SPEF2: variants seen among roughly 807,000 people sequenced by gnomAD.
The protein encoded by SPEF2 is sperm flagellar and cilia associated 2, also known as sperm flagella and cilia-associated protein 2.
Under a neutral mutation model 224.6 loss-of-function variants are expected in SPEF2, and 187 were observed. The ratio of observed to expected loss-of-function variants is 0.83; its 90% confidence interval spans 0.74 to 0.94. SPEF2 has a LOEUF of 0.94. Ranked by LOEUF, SPEF2 falls within the 40% of genes least tolerant of loss-of-function variation. SPEF2 has a pLI of 0.00. For missense variants in SPEF2, 2,170 were observed against 2,135.6 expected (o/e 1.02, Z -0.32); for synonymous variants, 715 against 707.3 (o/e 1.01, Z -0.17).
intron 24 of SPEF2, among the ~76,000 whole-genome samples, chr5:35,757,996 A>G (rs1332465419): frequency 6.6e-6 from 1 of 152,212 alleles, no homozygotes; most frequent in Non-Finnish European, 1.5e-5. Context: ...CCTTTTCTAT[A>G]TCAAATACAG....
intron 13 of SPEF2, 131 bp downstream of exon 13, chr5:35,694,494 A>C (rs1359930863): frequency 2.8e-6 from 2 of 707,746 alleles, no homozygotes; most frequent in Non-Finnish European, 4.7e-6. Context: ...AGTTGTCTAC[A>C]TATGGCCATT....
At chr5:35,713,853 T>A (rs1741806180) in intron 20 of SPEF2, among the ~76,000 whole-genome samples, 1 of 115,276 alleles carries the variant, frequency 8.7e-6, no homozygotes. Flanking sequence ...ATATAGTATA[T>A]ATATTATATA....
chr5:35,780,074 T>C (rs1032837728), intron 30 of SPEF2, among the ~76,000 whole-genome samples: 5 of 152,176 alleles, frequency 3.3e-5, no homozygotes, highest in Non-Finnish European at 7.3e-5. Context: ...TTTAGCAGAT[T>C]TTTTGCCTAT....
intron 10 of SPEF2, among the ~76,000 whole-genome samples, chr5:35,677,656 G>C (rs570313491): frequency 1.1e-4 from 17 of 152,256 alleles, no homozygotes; most frequent in African/African-American, 3.9e-4. Flanking sequence ...TATCATTTTG[G>C]GGTGACTGAA....
At chr5:35,718,316 A>C (rs1022055271) in intron 20 of SPEF2, among the ~76,000 whole-genome samples, 1 of 152,166 alleles carries the variant, frequency 6.6e-6, no homozygotes, top group African/African-American at 2.4e-5. Context: ...ACGGAGATGC[A>C]ATTACCTATC....
intron 16 of SPEF2, chr5:35,702,248 A>G (rs1277534044): frequency 4.4e-6 from 2 of 456,126 alleles, no homozygotes; most frequent in Non-Finnish European, 8.8e-6. Flanking sequence ...GAACCTGAAG[A>G]ACATCTTCAC....
intron 36 of SPEF2, among the ~76,000 whole-genome samples, chr5:35,808,986 G>A (rs1299415558): frequency 2.0e-5 from 3 of 151,864 alleles, no homozygotes; most frequent in Non-Finnish European, 4.4e-5. Context: ...TCTGGAATCA[G>A]GTCATGGGAC....
chr5:35,776,275 G>A lies in SPEF2; in HGVS notation c.4097G>A (p.Arg1366Gln), dbSNP rs1012369930. The A allele has an allele frequency of 5.6e-6, 9 of 1,608,886 alleles. No individual in the cohort carries two copies. The highest frequency in any genetic ancestry group is 3.3e-5 in the South Asian group (3 of 90,294). Residue 1366 changes from arginine to glutamine, a missense_variant, in exon 29 of 37, where the codon CGA (arginine) becomes CAA (glutamine). By Grantham distance (43) the Arg-to-Gln change is conservative. Transcript: ENST00000356031. ...CAAATAGAAATAGCCACGCAATTTCGACTTGAACTGATAAAGACAAAAGCA... is the reference window on the plus strand; with the variant it reads ...CAAATAGAAATAGCCACGCAATTTCAACTTGAACTGATAAAGACAAAAGCA... ...LQFEEIATQF[R>Q]LELIKTKALA...
rs978754066 is a variant in SPEF2, at chr5:35,660,388, A to T, written c.1167+1181A>T. Among the ~76,000 whole-genome samples the T allele has an allele frequency of 2.6e-5, 4 of 152,322 alleles. No individual in the cohort carries two copies. The East Asian group carries it at 7.7e-4, about 29-fold the overall frequency. On this transcript the variant is annotated intron_variant, in intron 8 of 36. Transcript: ENST00000356031. ...AAAACAGGAGGGCAGTGTTTTATTT[A>T]CTAGCTTCATAGCTTCCACTGTGAT...
chr5:35,683,972 A>G (rs1250714578), intron 10 of SPEF2: 1 of 152,168 alleles, frequency 6.6e-6, no homozygotes, highest in Non-Finnish European at 1.5e-5. Context: ...ATACCATGTG[A>G]TATTTACCTG....
At chr5:35,727,001 C>A (rs1036049499) in intron 20 of SPEF2, among the ~76,000 whole-genome samples, 21 of 148,798 alleles carry the variant, frequency 1.4e-4, no homozygotes, top group Non-Finnish European at 2.4e-4. Context: ...CTTTCCTCCC[C>A]TCCCCTCCCC....
At chr5:35,665,710 ATTC>A (rs765949631) in intron 8 of SPEF2, among the ~76,000 whole-genome samples, 60 of 152,130 alleles carry the variant, frequency 3.9e-4, no homozygotes, top group Non-Finnish European at 8.2e-4. Context: ...TTTCCTCTGA[ATTC>A]TTCACTTCAT....
chr5:35,758,903 G>T (rs1750821003), intron 24 of SPEF2, among the ~76,000 whole-genome samples: 1 of 150,234 alleles, frequency 6.7e-6, no homozygotes, highest in Non-Finnish European at 1.5e-5. Context: ...CTACTCAGGA[G>T]GCTGAGGCAG....
Position 35,759,651 on chromosome 5 carries a change from C to A in SPEF2, c.3552C>A (p.Asp1184Glu). ...TGGAAAGTAAAATCCCAGTAGAGGA[C>A]AACAAGAGATTTACTCGAATCCCTT... is the stretch of plus-strand genomic sequence containing the variant. Reference protein sequence around the residue: ...WGMESKIPVEDNKRFTRIPLV... With the variant: ...WGMESKIPVEENKRFTRIPLV... Residue 1184 changes from aspartate (D) to glutamate (E), a missense_variant, in exon 25 of 37, where the codon GAC (aspartate) becomes GAA (glutamate). Physicochemically the swap from Asp to Glu is conservative, Grantham distance 45. Coordinates refer to ENST00000356031, the MANE Select transcript of SPEF2 (RefSeq NM_024867.4). 1 of 1,611,490 alleles carries A rather than the reference C, an allele frequency of 6.2e-7. No individual in the cohort carries two copies. The highest frequency in any genetic ancestry group is 8.5e-7 in the Non-Finnish European group (1 of 1,178,376).
At chr5:35,757,219 A>G (rs544042997) in intron 24 of SPEF2, among the ~76,000 whole-genome samples, 2 of 152,210 alleles carry the variant, frequency 1.3e-5, no homozygotes, top group Admixed American at 1.3e-4. Flanking sequence ...TCTTGGATAT[A>G]GTATGGCATC....
chr5:35,667,250 T>G lies in SPEF2; in HGVS notation c.1346T>G (p.Leu449Trp). The G allele has an allele frequency of 6.3e-7, 1 of 1,595,460 alleles. No homozygotes were observed. The highest frequency in any genetic ancestry group is 1.1e-5 in the South Asian group (1 of 87,654). ...LSTKVADYRMLTNNLIPYKLM... is the reference protein window; with the variant it reads ...LSTKVADYRMWTNNLIPYKLM... ...ACTAAAGTGGCAGACTATCGAATGT[T>G]GACAAATAAGTAAGTATTTTTTTTG... Residue 449 changes from leucine (L) to tryptophan (W), a missense_variant, in exon 9 of 37, where the codon TTG becomes TGG. Coordinates refer to ENST00000356031, the MANE Select transcript of SPEF2 (RefSeq NM_024867.4).
chr5:35,729,877 C>T (rs1745339387), intron 21 of SPEF2, among the ~76,000 whole-genome samples: 1 of 152,104 alleles, frequency 6.6e-6, no homozygotes, highest in Admixed American at 6.5e-5. Context: ...CTTGCCGCTG[C>T]CACGTAAGAA....
intron 3 of SPEF2, among the ~76,000 whole-genome samples, chr5:35,642,902 T>G (rs944710671): frequency 6.6e-6 from 1 of 152,176 alleles, no homozygotes; most frequent in African/African-American, 2.4e-5. Flanking sequence ...GAAATTAGAT[T>G]AGTCTTAATA....
At position 35,793,039 on chromosome 5, in the gene SPEF2, A is replaced by C; in HGVS notation, c.4555-120A>C. On this transcript the variant is annotated intron_variant, in intron 31 of 36. Transcript: ENST00000356031. Reference sequence around the variant, plus strand: ...GGAAACAAAAGTCAGAACTGATTCTATGTGCCAGTGAAAAGTCCTACTTCT... The same window carrying C: ...GGAAACAAAAGTCAGAACTGATTCTCTGTGCCAGTGAAAAGTCCTACTTCT... The C allele has an allele frequency of 1.4e-5, 12 of 827,780 alleles. No homozygotes were observed. The South Asian group carries it at 2.2e-4, about 15-fold the overall frequency. 51.3% of individuals were successfully genotyped at this position (827,780 alleles called of 1,614,324 possible). A position where few individuals can be genotyped will look rare whatever the true frequency, so the allele number is the denominator to read the frequency against.
Sources: gnomAD v4.1 joint callset for allele counts (sites outside exome capture counted in the v4.1 genomes callset) on GRCh38, gnomAD v4.1.1 for gene constraint, MANE v1.5 for transcripts, NCBI Gene and HGNC (gene_info 2026-07-23, HGNC 2026-07-21) for gene names.